Variants in MRPS27 observed in about 807,000 individuals in gnomAD.
MRPS27 encodes the protein small ribosomal subunit protein mS27.
MRPS27 carries 43 observed loss-of-function variants against 48.9 expected under a neutral mutation model. The observed-to-expected ratio is 0.88, with a 90% confidence interval of 0.69 to 1.13. The LOEUF (loss-of-function observed/expected upper bound fraction) is 1.13. Ranked by LOEUF, MRPS27 falls within the 50% of genes most tolerant of loss-of-function variation. MRPS27 has a pLI of 0.00. For missense variants in MRPS27, 467 were observed against 476.3 expected, an observed-to-expected ratio of 0.98 and a Z score of 0.18; for synonymous variants, 188 against 171.9, an observed-to-expected ratio of 1.09 and a Z score of -0.73.
At chr5:72,297,194 C>T (rs754782650) in intron 3 of MRPS27, among the ~76,000 whole-genome samples, 1 of 152,252 alleles carries the variant, frequency 6.6e-6, no homozygotes, top group Non-Finnish European at 1.5e-5. Flanking sequence ...ATTCCTGATT[C>T]CTAACCTAAC....
chr5:72,242,755 A>G (rs1162082815), intron 4 of MRPS27, among the ~76,000 whole-genome samples: 2 of 151,994 alleles, frequency 1.3e-5, no homozygotes, highest in Non-Finnish European at 2.9e-5. Context: ...GGGGGAAAAA[A>G]AAGGAAAATA....
At chr5:72,228,752 G>C (rs1747967087) in intron 7 of MRPS27, 1 of 161,760 alleles carries the variant, frequency 6.2e-6, no homozygotes, top group African/African-American at 2.4e-5. Context: ...GATTCAACAT[G>C]CTGTCAGCCC....
intron 4 of MRPS27, among the ~76,000 whole-genome samples, chr5:72,240,587 TAAG>T (rs1309813988): frequency 6.6e-6 from 1 of 152,160 alleles, no homozygotes; most frequent in Non-Finnish European, 1.5e-5. Flanking sequence ...AACTTTACAA[TAAG>T]AATACCATGA....
chr5:72,253,992 T>C (rs1405329101), intron 4 of MRPS27, among the ~76,000 whole-genome samples: 1 of 152,192 alleles, frequency 6.6e-6, no homozygotes, highest in East Asian at 1.9e-4. Flanking sequence ...CTATCTAGGC[T>C]GGTCTTGAAC....
At chr5:72,272,635 T>G (rs1428880991) in intron 4 of MRPS27, among the ~76,000 whole-genome samples, 1 of 152,204 alleles carries the variant, frequency 6.6e-6, no homozygotes, top group African/African-American at 2.4e-5. Flanking sequence ...CCCTAACCTT[T>G]CCCCTTTGCT....
chr5:72,267,087 C>T (rs1052586922), intron 4 of MRPS27, among the ~76,000 whole-genome samples: 4 of 152,130 alleles, frequency 2.6e-5, no homozygotes, highest in South Asian at 4.1e-4. Flanking sequence ...GATTCCTACA[C>T]AACTTTATAT....
intron 4 of MRPS27, among the ~76,000 whole-genome samples, chr5:72,248,878 C>T (rs911816135): frequency 1.1e-4 from 16 of 152,134 alleles, no homozygotes; most frequent in African/African-American, 3.6e-4. Context: ...ATCATGGCTG[C>T]ACTTTGTGGG....
intron 2 of MRPS27, among the ~76,000 whole-genome samples, chr5:72,308,195 T>C (rs1291026725): frequency 6.6e-6 from 1 of 152,114 alleles, no homozygotes; most frequent in Non-Finnish European, 1.5e-5. Context: ...AGGAGCTCTC[T>C]GGCACAATCA....
intron 4 of MRPS27, among the ~76,000 whole-genome samples, chr5:72,294,172 A>G (rs1423689031): frequency 6.6e-6 from 1 of 152,152 alleles, no homozygotes; most frequent in Non-Finnish European, 1.5e-5. Context: ...AAAAAGTGGT[A>G]GCATCTACCC....
chr5:72,318,789 G>GAT (rs2112098911), intron 1 of MRPS27, among the ~76,000 whole-genome samples: 1 of 142,260 alleles, frequency 7.0e-6, no homozygotes, highest in East Asian at 2.0e-4. Context: ...AACGAAACCC[G>GAT]AAAAAAAAAA....
At chr5:72,319,999 C>G in intron 1 of MRPS27, 150 bp downstream of exon 1, 1 of 732,214 alleles carries the variant, frequency 1.4e-6, no homozygotes, top group Non-Finnish European at 2.3e-6. Context: ...GGATCAGATA[C>G]CTTGTCTCCT....
At chr5:72,251,848 A>AAGCCACTGACCC (rs1748674470) in intron 4 of MRPS27, among the ~76,000 whole-genome samples, 1 of 152,252 alleles carries the variant, frequency 6.6e-6, no homozygotes, top group Admixed American at 6.5e-5. Flanking sequence ...GCTGCTGAGC[A>AAGCCACTGACCC]AGCCACTGAC....
At chr5:72,260,122 T>C (rs771730941) in intron 4 of MRPS27, among the ~76,000 whole-genome samples, 15 of 152,216 alleles carry the variant, frequency 9.9e-5, no homozygotes, top group Admixed American at 3.3e-4. Context: ...ATTTTTCATA[T>C]CATTTTTCTC....
intron 4 of MRPS27, among the ~76,000 whole-genome samples, chr5:72,253,095 C>T (rs552190066): frequency 1.2e-4 from 18 of 152,304 alleles, no homozygotes; most frequent in East Asian, 1.2e-3. Context: ...TTCTCATTTA[C>T]GAGGCTTTCT....
At chr5:72,291,626 CTACATT>C (rs1749822616) in intron 4 of MRPS27, among the ~76,000 whole-genome samples, 1 of 152,176 alleles carries the variant, frequency 6.6e-6, no homozygotes, top group African/African-American at 2.4e-5. Context: ...CATCTGCTGC[CTACATT>C]CATAAATGAA....
intron 4 of MRPS27, among the ~76,000 whole-genome samples, chr5:72,250,278 A>AC (rs1259667262): frequency 6.6e-6 from 1 of 152,216 alleles, no homozygotes; most frequent in Non-Finnish European, 1.5e-5. Context: ...ACTTTCTAGA[A>AC]CAAGAAAGTT....
intron 8 of MRPS27, 114 bp from the exon 9 acceptor site, chr5:72,226,313 G>T: frequency 7.9e-7 from 1 of 1,263,474 alleles, no homozygotes; most frequent in Non-Finnish European, 1.1e-6. Context: ...AAATAGAGAA[G>T]GATCATTTTA....
chr5:72,233,376 T>G (rs2111952419), intron 6 of MRPS27, among the ~76,000 whole-genome samples: 1 of 152,294 alleles, frequency 6.6e-6, no homozygotes, highest in South Asian at 2.1e-4. Context: ...CAATTTCCTT[T>G]CTGTAGTTAC....
chr5:72,259,180 C>T (rs1038264871), intron 4 of MRPS27, among the ~76,000 whole-genome samples: 5 of 152,052 alleles, frequency 3.3e-5, no homozygotes, highest in Admixed American at 6.5e-5. Flanking sequence ...TTTAAAAATC[C>T]GATTCCCAGC....
Sources: allele counts gnomAD v4.1 joint callset (sites outside exome capture counted in the v4.1 genomes callset), GRCh38; gene constraint gnomAD v4.1.1; transcripts MANE v1.5; gene names NCBI Gene and HGNC (gene_info 2026-07-23, HGNC 2026-07-21).